Variants in CDK14 observed in about 807,000 individuals in gnomAD.
CDK14 encodes the protein cyclin dependent kinase 14.
Under a neutral mutation model 60.7 loss-of-function variants are expected in CDK14, and 34 were observed. The observed-to-expected ratio is 0.56, with a 90% confidence interval of 0.43 to 0.75. The LOEUF (loss-of-function observed/expected upper bound fraction) is 0.75, where lower values mean the gene tolerates loss of function less well. Ranked by LOEUF, CDK14 falls within the 30% of genes least tolerant of loss-of-function variation. The pLI is 0.00. For missense variants in CDK14, 482 were observed against 564.1 expected, an observed-to-expected ratio of 0.85 and a Z score of 1.47; for synonymous variants, 197 against 203.7, an observed-to-expected ratio of 0.97 and a Z score of 0.28.
intron 9 of CDK14, among the ~76,000 whole-genome samples, chr7:90,974,953 A>AC (rs1795026604): frequency 6.6e-6 from 1 of 152,116 alleles, no homozygotes; most frequent in South Asian, 2.1e-4. Flanking sequence ...TATCGCCATA[A>AC]CCCCTATCAA....
At chr7:90,649,000 T>A (rs568275209) in intron 2 of CDK14, among the ~76,000 whole-genome samples, 1 of 152,296 alleles carries the variant, frequency 6.6e-6, no homozygotes, top group South Asian at 2.1e-4. Context: ...GATAGCAAAC[T>A]GTGCTGGCTA....
intron 5 of CDK14, among the ~76,000 whole-genome samples, chr7:90,812,142 A>T (rs1238978236): frequency 6.6e-6 from 1 of 152,234 alleles, no homozygotes; most frequent in Non-Finnish European, 1.5e-5. Flanking sequence ...ATTATAAAAC[A>T]TGCTGTTATA....
chr7:90,615,013 G>T (rs901113872), intron 2 of CDK14, among the ~76,000 whole-genome samples: 7 of 151,886 alleles, frequency 4.6e-5, no homozygotes, highest in Admixed American at 3.9e-4. Context: ...GTCTTATAGT[G>T]CAACATTATA....
chr7:90,761,514 T>C lies in CDK14; in HGVS notation c.464+13739T>C, dbSNP rs138524333. Among the ~76,000 whole-genome samples the C allele has an allele frequency of 8.9e-3, 1,351 of 152,300 alleles. 10 individuals carry two copies. The highest frequency in any genetic ancestry group is 0.014 in the Non-Finnish European group (966 of 68,022). On this transcript the variant is annotated intron_variant, in intron 4 of 14. Coordinates refer to ENST00000380050, the MANE Select transcript of CDK14 (RefSeq NM_001287135.2). ...CTGAGCTGCTTTATTGTTACTGTCA[T>C]CCTTTTGTTTAAACCAGGATGGTAG...
chr7:90,827,787 A>G (rs1397528733), intron 5 of CDK14, among the ~76,000 whole-genome samples: 3 of 152,216 alleles, frequency 2.0e-5, no homozygotes, highest in Non-Finnish European at 2.9e-5. Flanking sequence ...TTATAAATTT[A>G]ATATATTTGG....
At chr7:91,200,466 C>T (rs902182658) in intron 14 of CDK14, among the ~76,000 whole-genome samples, 5 of 152,114 alleles carry the variant, frequency 3.3e-5, no homozygotes, top group East Asian at 3.9e-4. Context: ...AAAGTGGCAC[C>T]GTCTTGTAAG....
chr7:91,121,550 C>A (rs370574133), intron 14 of CDK14, among the ~76,000 whole-genome samples: 33 of 152,266 alleles, frequency 2.2e-4, no homozygotes, highest in African/African-American at 7.2e-4. Flanking sequence ...GTTAATAATG[C>A]CAGATTTGCA....
intron 6 of CDK14, among the ~76,000 whole-genome samples, chr7:90,894,712 A>G (rs1277216324): frequency 6.6e-6 from 1 of 152,232 alleles, no homozygotes; most frequent in Non-Finnish European, 1.5e-5. Context: ...GTGAGTGTAG[A>G]GTTCATCTTA....
chr7:90,733,451 T>A (rs1387586757), intron 3 of CDK14, among the ~76,000 whole-genome samples: 1 of 152,206 alleles, frequency 6.6e-6, no homozygotes, highest in East Asian at 1.9e-4. Flanking sequence ...TGTTTGGGAG[T>A]CTAAGTCTCT....
intron 2 of CDK14, among the ~76,000 whole-genome samples, chr7:90,654,484 G>A (rs764764212): frequency 3.9e-5 from 6 of 152,122 alleles, no homozygotes; most frequent in Non-Finnish European, 8.8e-5. Flanking sequence ...CAAGGAGAGT[G>A]TAAAGTCTTT....
chr7:91,027,387 G>A (rs191862481), intron 10 of CDK14, among the ~76,000 whole-genome samples: 85 of 152,246 alleles, frequency 5.6e-4, no homozygotes, highest in African/African-American at 1.9e-3. Context: ...ATCCACTCTC[G>A]TCGTGTGCCA....
intron 5 of CDK14, among the ~76,000 whole-genome samples, chr7:90,827,084 G>A (rs1789751875): frequency 6.7e-6 from 1 of 148,932 alleles, no homozygotes; most frequent in Non-Finnish European, 1.5e-5. Flanking sequence ...CCTGCTGCCT[G>A]TCCCTGTCTT....
chr7:90,635,862 T>A (rs1390631078), intron 2 of CDK14, among the ~76,000 whole-genome samples: 1 of 151,992 alleles, frequency 6.6e-6, no homozygotes, highest in African/African-American at 2.4e-5. Flanking sequence ...CCCTTGTAAG[T>A]TGGATTCCTA....
At chr7:91,110,778 A>G (rs116842786) in intron 12 of CDK14, among the ~76,000 whole-genome samples, 1 of 152,306 alleles carries the variant, frequency 6.6e-6, no homozygotes, top group Non-Finnish European at 1.5e-5. Flanking sequence ...TGGTTGTTCT[A>G]TTTTATCAAA....
At chr7:90,993,447 T>C (rs527714364) in intron 10 of CDK14, among the ~76,000 whole-genome samples, 2 of 152,004 alleles carry the variant, frequency 1.3e-5, no homozygotes. Context: ...ATCAAGGTAT[T>C]GGAGCAGGCA....
intron 8 of CDK14, among the ~76,000 whole-genome samples, chr7:90,941,290 C>T (rs1793925104): frequency 6.6e-6 from 1 of 152,224 alleles, no homozygotes; most frequent in South Asian, 2.1e-4. Flanking sequence ...TCACATGGAC[C>T]TCCTCACCAT....
chr7:90,811,581 C>G (rs1335136914), intron 5 of CDK14, among the ~76,000 whole-genome samples: 4 of 151,588 alleles, frequency 2.6e-5, no homozygotes, highest in African/African-American at 9.7e-5. Flanking sequence ...TCTAAAACAC[C>G]AAAAGCAATG....
chr7:91,126,558 A>T (rs915562405), intron 14 of CDK14, among the ~76,000 whole-genome samples: 3 of 152,216 alleles, frequency 2.0e-5, no homozygotes, highest in African/African-American at 7.2e-5. Context: ...TGAGAATTGC[A>T]TATTGATAGT....
intron 14 of CDK14, among the ~76,000 whole-genome samples, chr7:91,125,197 T>A (rs1799905214): frequency 6.6e-6 from 1 of 152,098 alleles, no homozygotes; most frequent in Non-Finnish European, 1.5e-5. Flanking sequence ...GCGATATTCT[T>A]CACATGGGAG....
Sources: allele counts gnomAD v4.1 joint callset (sites outside exome capture counted in the v4.1 genomes callset), GRCh38; gene constraint gnomAD v4.1.1; transcripts MANE v1.5; gene names NCBI Gene and HGNC (gene_info 2026-07-23, HGNC 2026-07-21).